The following NBAS variants were observed in gnomAD, a reference collection of about 807,000 sequenced individuals.
NBAS encodes the protein NBAS subunit of NRZ tethering complex.
Under a neutral mutation model 302.5 loss-of-function variants are expected in NBAS, and 219 were observed. The observed-to-expected ratio is 0.72, with a 90% CI of 0.65 to 0.81. The LOEUF (loss-of-function observed/expected upper bound fraction) is 0.81, where lower values mean the gene tolerates loss of function less well. Ranked by LOEUF, NBAS falls within the 30% of genes least tolerant of loss-of-function variation. The pLI is 0.00. For synonymous variants in NBAS, 1,118 were observed against 1,021.6 expected, an observed-to-expected ratio of 1.09 and a Z score of -1.80; for missense variants, 2,932 against 2,841.6, an observed-to-expected ratio of 1.03 and a Z score of -0.72.
chr2:15,344,704 A>G (rs926951871), intron 35 of NBAS, among the ~76,000 whole-genome samples: 1 of 152,204 alleles, frequency 6.6e-6, no homozygotes, highest in Non-Finnish European at 1.5e-5. Context: ...GCAGAGACAC[A>G]ACAAACAAAG....
the NBAS span, among the ~76,000 whole-genome samples, chr2:14,896,991 C>T: frequency 6.6e-6 from 1 of 151,982 alleles, no homozygotes; most frequent in East Asian, 1.9e-4. Flanking sequence ...ATGGAAATAT[C>T]TCAGGAGCTT....
At chr2:14,983,970 G>A in the NBAS span, among the ~76,000 whole-genome samples, 4 of 152,112 alleles carry the variant, frequency 2.6e-5, no homozygotes, top group Admixed American at 6.5e-5. Flanking sequence ...ATTTGCCCAC[G>A]TATGTGGGGC....
chr2:15,465,853 C>T (rs1679699280), intron 19 of NBAS, among the ~76,000 whole-genome samples: 1 of 151,986 alleles, frequency 6.6e-6, no homozygotes, highest in Non-Finnish European at 1.5e-5. Context: ...TCAAACTGAA[C>T]ATTTTAGGCA....
At chr2:14,782,120 T>C in the NBAS span, among the ~76,000 whole-genome samples, 5 of 152,194 alleles carry the variant, frequency 3.3e-5, no homozygotes, top group East Asian at 1.9e-4. Context: ...CAAACCCAGG[T>C]TAAAGTTCTT....
chr2:14,819,215 G>A, the NBAS span, among the ~76,000 whole-genome samples: 23 of 152,288 alleles, frequency 1.5e-4, no homozygotes, highest in South Asian at 3.1e-3. Flanking sequence ...TTAGCTGCTC[G>A]GAACATGTTT....
the NBAS span, among the ~76,000 whole-genome samples, chr2:15,000,693 A>G: frequency 1.3e-5 from 2 of 152,296 alleles, no homozygotes; most frequent in African/African-American, 4.8e-5. Context: ...CGAGAGGTGA[A>G]GGATGATAAA....
At chr2:15,553,691 TC>T in intron 4 of NBAS, among the ~76,000 whole-genome samples, 1 of 151,282 alleles carries the variant, frequency 6.6e-6, no homozygotes, top group African/African-American at 2.4e-5. Flanking sequence ...AAGCTCTCTC[TC>T]CCCCACTCTC....
the NBAS span, among the ~76,000 whole-genome samples, chr2:15,106,423 G>A: frequency 1.4e-5 from 2 of 145,846 alleles, no homozygotes; most frequent in Non-Finnish European, 3.0e-5. Context: ...AGTCTTGGGT[G>A]TCTCTCTGTG....
At chr2:14,966,014 A>G in the NBAS span, among the ~76,000 whole-genome samples, 1 of 152,192 alleles carries the variant, frequency 6.6e-6, no homozygotes, top group African/African-American at 2.4e-5. Flanking sequence ...ACAGAGATAA[A>G]GAGACACAAG....
rs866020952 is a variant in NBAS, at chr2:15,536,446, G to A, written c.619C>T (p.Arg207Ter). The A allele has an allele frequency of 6.8e-6, 11 of 1,613,272 alleles. No individual in the cohort carries two copies. Among genetic ancestry groups the A allele is most frequent in the South Asian group, 1.1e-5 (1 of 91,036 alleles). The change falls in exon 8 of 52, where the codon CGA becomes TGA. Residue 207 changes from arginine (R) to a stop codon, truncating the protein, a stop_gained. Coordinates refer to ENST00000281513, the MANE Select transcript of NBAS (RefSeq NM_015909.4). LOFTEE classifies it high-confidence loss of function. The stretch of plus-strand genomic sequence containing the variant: ...ACAAGGTAACTTCTAAGTTCTCCTC[G>A]GTAATTGATGACCAGGAGTTCTGCA... ...WSAELLVINY[R>*]GELRSYLVSV...
intron 35 of NBAS, among the ~76,000 whole-genome samples, chr2:15,350,233 C>T (rs1002977092): frequency 3.9e-5 from 6 of 152,026 alleles, no homozygotes; most frequent in African/African-American, 1.4e-4. Flanking sequence ...CTAAAAGTAA[C>T]AGTAGAGTAC....
chr2:15,038,641 T>C, the NBAS span, among the ~76,000 whole-genome samples: 125,079 of 151,958 alleles, frequency 0.82, 51,829 homozygotes, highest in East Asian at 1. Flanking sequence ...TGTCGTGATG[T>C]CAGGTGGGTT....
At chr2:15,296,400 G>A (rs1269661103) in intron 40 of NBAS, among the ~76,000 whole-genome samples, 1 of 152,028 alleles carries the variant, frequency 6.6e-6, no homozygotes, top group African/African-American at 2.4e-5. Context: ...AAATTAGCCG[G>A]GTGTGGTGGC....
chr2:15,314,061 A>G (rs1671396407), intron 38 of NBAS, among the ~76,000 whole-genome samples: 1 of 152,094 alleles, frequency 6.6e-6, no homozygotes, highest in Admixed American at 6.6e-5. Context: ...TATAAAAAAC[A>G]AGTATTAAAA....
the NBAS span, among the ~76,000 whole-genome samples, chr2:14,992,593 C>T: frequency 6.6e-6 from 1 of 152,176 alleles, no homozygotes; most frequent in South Asian, 2.1e-4. Flanking sequence ...AGGGCTGCCC[C>T]TAGCAAGAAG....
At chr2:15,439,439 C>A (rs1442061838) in intron 21 of NBAS, among the ~76,000 whole-genome samples, 1 of 151,552 alleles carries the variant, frequency 6.6e-6, no homozygotes. Flanking sequence ...AGTAATTTAA[C>A]TGCACCCCAG....
chr2:15,003,032 G>A, the NBAS span, among the ~76,000 whole-genome samples: 1 of 152,276 alleles, frequency 6.6e-6, no homozygotes, highest in Admixed American at 6.5e-5. Flanking sequence ...CAAAGTAGGA[G>A]CCCAGGCAGA....
chr2:15,011,064 CA>C, the NBAS span, among the ~76,000 whole-genome samples: 1 of 152,250 alleles, frequency 6.6e-6, no homozygotes, highest in African/African-American at 2.4e-5. Context: ...AAAAGTCATC[CA>C]ATTGTTGCGG....
At chr2:14,797,770 A>T in the NBAS span, among the ~76,000 whole-genome samples, 7 of 152,092 alleles carry the variant, frequency 4.6e-5, no homozygotes, top group African/African-American at 1.7e-4. Flanking sequence ...ATGAGTGGGC[A>T]GAGAAATCCC....
Sources: allele counts gnomAD v4.1 joint callset (sites outside exome capture counted in the v4.1 genomes callset), GRCh38; gene constraint gnomAD v4.1.1; transcripts MANE v1.5; gene names NCBI Gene and HGNC (gene_info 2026-07-23, HGNC 2026-07-21).